Variants in SLCO3A1 observed in about 807,000 individuals in gnomAD.
The protein encoded by SLCO3A1 is PGE1 transporter.
Under a neutral mutation model 63.1 loss-of-function variants are expected in SLCO3A1, and 27 were observed. That is an observed-to-expected ratio of 0.43 (90% CI 0.32 to 0.59). The LOEUF (loss-of-function observed/expected upper bound fraction) is 0.59. Among genes scored for constraint, SLCO3A1 ranks in the 20% least tolerant of loss-of-function variants. The probability of loss-of-function intolerance (pLI) is 0.09; values close to 1 mark genes in which losing one functional copy is unlikely to be tolerated. For missense variants in SLCO3A1, 773 were observed against 945.8 expected (o/e 0.82, Z 2.40); for synonymous variants, 473 against 409.9 (o/e 1.15, Z -1.86).
At chr15:91,932,050 A>T (rs1899254515) in intron 2 of SLCO3A1, among the ~76,000 whole-genome samples, 1 of 152,150 alleles carries the variant, frequency 6.6e-6, no homozygotes, top group Non-Finnish European at 1.5e-5. Context: ...CCATTGAGAG[A>T]GTGCATATCG....
chr15:92,032,817 G>T (rs1237494375), intron 2 of SLCO3A1, among the ~76,000 whole-genome samples: 1 of 151,764 alleles, frequency 6.6e-6, no homozygotes, highest in Non-Finnish European at 1.5e-5. Context: ...AAGATTTGGA[G>T]CATGGTTGGA....
rs1555431409 is a variant in SLCO3A1, at chr15:92,089,008, A to ATTATTTAT, written c.647-5846_647-5839dup. Among the ~76,000 whole-genome samples the ATTATTTAT allele has an allele frequency of 4.1e-3, 367 of 90,574 alleles. 2 individuals carry two copies. Among genetic ancestry groups the ATTATTTAT allele is most frequent in the African/African-American group, 0.011 (346 of 32,024 alleles). The allele number at this position is 90,574 out of a possible 152,430, so 59.4% of individuals were successfully genotyped here. On this transcript the variant is annotated intron_variant, in intron 2 of 9. Coordinates refer to ENST00000318445, the MANE Select transcript of SLCO3A1 (RefSeq NM_013272.4). Reference sequence around the variant, plus strand: ...TTACCCCAGCTTTATTTATTTATTTATTATTTATTTATTTATTTATTTATT... The same window carrying ATTATTTAT: ...TTACCCCAGCTTTATTTATTTATTTATTATTTATTTATTTATTTATTTATTTATTTATT...
intron 2 of SLCO3A1, among the ~76,000 whole-genome samples, chr15:92,032,050 A>T (rs542730136): frequency 4.3e-4 from 66 of 152,268 alleles, no homozygotes; most frequent in African/African-American, 1.5e-3. Flanking sequence ...TCGTCCATGC[A>T]TGGTTGTCGT....
At chr15:91,966,747 A>G (rs1307352522) in intron 2 of SLCO3A1, among the ~76,000 whole-genome samples, 1 of 152,236 alleles carries the variant, frequency 6.6e-6, no homozygotes, top group East Asian at 1.9e-4. Context: ...TCAGCAGTGG[A>G]AGGAATTCAT....
chr15:91,909,266 T>G (rs565162873), intron 1 of SLCO3A1, among the ~76,000 whole-genome samples: 2 of 152,236 alleles, frequency 1.3e-5, no homozygotes, highest in Non-Finnish European at 2.9e-5. Flanking sequence ...ATGTGGCCTA[T>G]GGACCAAATG....
chr15:92,131,696 C>A (rs1254346069), intron 7 of SLCO3A1, among the ~76,000 whole-genome samples: 1 of 145,466 alleles, frequency 6.9e-6, no homozygotes, highest in African/African-American at 2.5e-5. Context: ...TGCAGTTCCC[C>A]AACACATCAA....
At chr15:91,889,790 A>C (rs781438001) in intron 1 of SLCO3A1, among the ~76,000 whole-genome samples, 3 of 152,224 alleles carry the variant, frequency 2.0e-5, no homozygotes, top group African/African-American at 7.2e-5. Flanking sequence ...TTCATTTTGC[A>C]TCATTCATAA....
Position 91,862,348 on chromosome 15 carries a change from G to T in SLCO3A1, c.180+8260G>T, listed in dbSNP as rs1193176188. ...TTGTATTTTTTTTAGTGGAGACGGG[G>T]TTTCACCATGTTGGCCAGGGTGGTC... On this transcript the variant is annotated intron_variant, in intron 1 of 9. Transcript: ENST00000318445. The surrounding 1 kb of genome is among the most constrained non-coding windows in gnomAD (Gnocchi z 4.0). Among the ~76,000 whole-genome samples, 1 of 151,910 alleles carries T rather than the reference G, an allele frequency of 6.6e-6. No individual in the cohort carries two copies. The highest frequency in any genetic ancestry group is 2.4e-5 in the African/African-American group (1 of 41,358).
chr15:91,879,848 C>T (rs1005434789), intron 1 of SLCO3A1, among the ~76,000 whole-genome samples: 4 of 152,148 alleles, frequency 2.6e-5, no homozygotes, highest in South Asian at 2.1e-4. Context: ...AAGCTCTTAA[C>T]GAGATTCCTG....
chr15:92,131,800 C>T (rs959016356), intron 7 of SLCO3A1, among the ~76,000 whole-genome samples: 3 of 145,984 alleles, frequency 2.1e-5, no homozygotes, highest in Non-Finnish European at 4.6e-5. Context: ...AGGGCTGTCT[C>T]TCCTTCACCA....
At position 91,967,813 on chromosome 15, in the gene SLCO3A1, GT is replaced by G. The variant is rs1308981354; in HGVS notation, c.646+51356del. Among the ~76,000 whole-genome samples, 1 of 152,150 alleles carries G rather than the reference GT, an allele frequency of 6.6e-6. No individual in the cohort carries two copies. Among genetic ancestry groups the G allele is most frequent in the Non-Finnish European group, 1.5e-5 (1 of 68,028 alleles). ...CGTAGTGGCAGGACTAAAGGTCAAG[GT>G]CACTTCAGTGTTCTCCCAAATCCCG... On this transcript the variant is annotated intron_variant, in intron 2 of 9. Coordinates refer to ENST00000318445, the MANE Select transcript of SLCO3A1 (RefSeq NM_013272.4). The surrounding 1 kb of genome is among the most constrained non-coding windows in gnomAD (Gnocchi z 4.4).
rs570549260 is a variant in SLCO3A1 at position 91,930,759 on chromosome 15, G to A, written c.646+14301G>A. 5.2e-4 allele frequency among the ~76,000 whole-genome samples: 79 copies of A among 152,210 alleles called. 1 individual carries two copies. The South Asian group carries it at 0.016, about 31-fold the overall frequency. On this transcript the variant is annotated intron_variant, in intron 2 of 9. Transcript: ENST00000318445. Reference sequence around the variant, plus strand: ...AGCACTTATTGTGTGCCAGAGACTGGGCTAAGTTCTTGACATATATTATCT... The same window carrying A: ...AGCACTTATTGTGTGCCAGAGACTGAGCTAAGTTCTTGACATATATTATCT...
chr15:92,043,555 CT>C (rs769666386), intron 2 of SLCO3A1, among the ~76,000 whole-genome samples: 9 of 152,214 alleles, frequency 5.9e-5, no homozygotes, highest in East Asian at 1.9e-4. Flanking sequence ...GCTTTGATAC[CT>C]TTTTGTTCAG....
intron 2 of SLCO3A1, among the ~76,000 whole-genome samples, chr15:92,042,562 G>C (rs558593663): frequency 9.3e-4 from 141 of 152,280 alleles, no homozygotes; most frequent in Non-Finnish European, 1.7e-3. Context: ...CTTCAGAGGA[G>C]CACACAGAAA....
chr15:91,905,901 CTTAGCTGATAGGCCCA>C (rs1419043254), intron 1 of SLCO3A1, among the ~76,000 whole-genome samples: 1 of 152,160 alleles, frequency 6.6e-6, no homozygotes, highest in Non-Finnish European at 1.5e-5. Flanking sequence ...GCTGCCCCTG[CTTAGCTGATAGGCCCA>C]TTAGCCTTCA....
At chr15:92,147,383 T>C (rs74953094) in intron 8 of SLCO3A1, among the ~76,000 whole-genome samples, 34 of 151,860 alleles carry the variant, frequency 2.2e-4, no homozygotes, top group African/African-American at 8.0e-4. Flanking sequence ...AGCACTTTCA[T>C]GTTCTCCCAG....
intron 2 of SLCO3A1, among the ~76,000 whole-genome samples, chr15:92,079,477 C>A (rs763554466): frequency 3.5e-4 from 54 of 152,218 alleles, no homozygotes; most frequent in Non-Finnish European, 6.2e-4. Context: ...TCTCACTGTG[C>A]CCTCACACGG....
In SLCO3A1 at chr15:91,862,865, T is replaced by C. The variant is rs77363719; in HGVS notation, c.180+8777T>C. Among the ~76,000 whole-genome samples the C allele has an allele frequency of 0.019, 2,852 of 152,298 alleles. 73 individuals carry two copies. The highest frequency in any genetic ancestry group is 0.063 in the East Asian group (327 of 5,184). ...TTTAAAGACTACTGTAAAATATTAA[T>C]GGGAATGGCTATTGTCTTTCACCCC... On this transcript the variant is annotated intron_variant, in intron 1 of 9. Coordinates refer to ENST00000318445, the MANE Select transcript of SLCO3A1 (RefSeq NM_013272.4). The surrounding 1 kb of genome is among the most constrained non-coding windows in gnomAD (Gnocchi z 4.0).
chr15:91,965,721 G>GGTGTGTGTGTGTGTGT (rs35543509), intron 2 of SLCO3A1, among the ~76,000 whole-genome samples: 4 of 147,634 alleles, frequency 2.7e-5, no homozygotes, highest in African/African-American at 7.5e-5. Flanking sequence ...CAGCCAGCAG[G>GGTGTGTGTGTGTGTGT]GTGTGTGTGT....
Sources: allele counts gnomAD v4.1 joint callset (sites outside exome capture counted in the v4.1 genomes callset), GRCh38; gene constraint gnomAD v4.1.1; non-coding constraint Gnocchi (gnomAD v3.1); transcripts MANE v1.5; gene names NCBI Gene and HGNC (gene_info 2026-07-23, HGNC 2026-07-21).